Variants in ZSWIM6 observed in about 807,000 individuals in gnomAD.
ZSWIM6 encodes zinc finger SWIM domain-containing protein 6.
A neutral mutation model predicts 113.2 loss-of-function variants in ZSWIM6; 9 were observed. That is an observed-to-expected ratio of 0.08 (90% CI 0.05 to 0.14). The LOEUF (loss-of-function observed/expected upper bound fraction) is 0.14, where lower values mean the gene tolerates loss of function less well. Ranked by LOEUF, ZSWIM6 falls within the 10% of genes least tolerant of loss-of-function variation. ZSWIM6 has a pLI of 1.00. For missense variants in ZSWIM6, 1,162 were observed against 1,552.2 expected (o/e 0.75, Z 4.22); for synonymous variants, 611 against 606.5 (o/e 1.01, Z -0.11).
At position 61,505,724 on chromosome 5, in the gene ZSWIM6, CTTCCCT is replaced by C. The variant is rs1748599471; in HGVS notation, c.1333+11315_1333+11320del. ...CCTTCCTCCCTTCCTTCCTTCCTTC[CTTCCCT>C]CTCTCTCTCTCTCTCTCTCTTTCTT... On this transcript the variant is annotated intron_variant, in intron 4 of 13. Coordinates refer to ENST00000252744, the MANE Select transcript of ZSWIM6 (RefSeq NM_020928.2). Among the ~76,000 whole-genome samples, 20 of 133,376 alleles carry C rather than the reference CTTCCCT, an allele frequency of 1.5e-4. 1 individual carries two copies. The highest frequency in any genetic ancestry group is 3.8e-4 in the African/African-American group (13 of 34,122). 87.5% of individuals were successfully genotyped at this position (133,376 alleles called of 152,430 possible).
intron 1 of ZSWIM6, among the ~76,000 whole-genome samples, chr5:61,392,741 T>A (rs1333758222): frequency 6.6e-6 from 1 of 151,470 alleles, no homozygotes; most frequent in African/African-American, 2.4e-5. Context: ...GCCTCCTGAG[T>A]AGCCGGGATT....
At chr5:61,395,033 T>G (rs1745810128) in intron 1 of ZSWIM6, among the ~76,000 whole-genome samples, 1 of 152,122 alleles carries the variant, frequency 6.6e-6, no homozygotes, top group African/African-American at 2.4e-5. Context: ...GATGAACAAA[T>G]GAAAGCCCAT....
intron 4 of ZSWIM6, among the ~76,000 whole-genome samples, chr5:61,503,887 C>A (rs1748536191): frequency 6.6e-6 from 1 of 152,130 alleles, no homozygotes. Context: ...ATGTCATACC[C>A]ATCCTTTCTT....
intron 1 of ZSWIM6, among the ~76,000 whole-genome samples, chr5:61,448,003 G>A (rs1035872155): frequency 1.3e-5 from 2 of 152,184 alleles, no homozygotes; most frequent in African/African-American, 2.4e-5. Context: ...GAGGGGTCTG[G>A]TGTCTCATTA....
intron 1 of ZSWIM6, among the ~76,000 whole-genome samples, chr5:61,459,198 A>G (rs574538370): frequency 6.6e-6 from 1 of 152,352 alleles, no homozygotes; most frequent in South Asian, 2.1e-4. Flanking sequence ...GCAACATAAG[A>G]TAATCATTTT....
chr5:61,411,013 C>A (rs1228193421), intron 1 of ZSWIM6, among the ~76,000 whole-genome samples: 1 of 152,164 alleles, frequency 6.6e-6, no homozygotes, highest in Non-Finnish European at 1.5e-5. Flanking sequence ...GTTTGGCATG[C>A]TTGGAAAGGG....
intron 1 of ZSWIM6, among the ~76,000 whole-genome samples, chr5:61,420,916 A>ATT (rs34581606): frequency 3.5e-3 from 512 of 145,996 alleles, no homozygotes; most frequent in Non-Finnish European, 4.4e-3. Context: ...TATTCGTTCT[A>ATT]TTTTTTTTTT....
In ZSWIM6 at chr5:61,526,122, A is replaced by AT; in HGVS notation, c.1691-127dup. 4 of 1,424,000 alleles carry AT rather than the reference A, an allele frequency of 2.8e-6. No individual in the cohort carries two copies. The South Asian group carries it at 5.9e-5, about 21-fold the overall frequency. The allele number at this position is 1,424,000 out of a possible 1,614,324, so 88.2% of individuals were successfully genotyped here. ...AATAGGAGCTGAGATTTTCATTCAA[A>AT]TCCAAGTTCAGGAATGGTTTCTTGT... On this transcript the variant is annotated intron_variant, in intron 6 of 13. Transcript: ENST00000252744.
intron 2 of ZSWIM6, among the ~76,000 whole-genome samples, chr5:61,486,659 C>T (rs1748029082): frequency 2.0e-5 from 3 of 152,118 alleles, no homozygotes; most frequent in Admixed American, 2.0e-4. Context: ...GATGATATCT[C>T]ATTGTGGTTT....
chr5:61,439,985 A>C (rs1746791392), intron 1 of ZSWIM6, among the ~76,000 whole-genome samples: 1 of 152,156 alleles, frequency 6.6e-6, no homozygotes, highest in Admixed American at 6.6e-5. Context: ...TATGCTTGAA[A>C]TGCCAAATCA....
Position 61,505,728 on chromosome 5 carries a change from C to T in ZSWIM6, c.1333+11318C>T, listed in dbSNP as rs1018952233. 5.9e-4 allele frequency among the ~76,000 whole-genome samples: 73 copies of T among 123,910 alleles called. 2 individuals are homozygous for T. The highest frequency in any genetic ancestry group is 1.1e-3 in the South Asian group (4 of 3,604). 81.3% of individuals were successfully genotyped at this position (123,910 alleles called of 152,430 possible). On this transcript the variant is annotated intron_variant, in intron 4 of 13. Coordinates refer to ENST00000252744, the MANE Select transcript of ZSWIM6 (RefSeq NM_020928.2). Reference sequence around the variant, plus strand: ...CCTCCCTTCCTTCCTTCCTTCCTTCCCTCTCTCTCTCTCTCTCTCTCTTTC... The same window carrying T: ...CCTCCCTTCCTTCCTTCCTTCCTTCTCTCTCTCTCTCTCTCTCTCTCTTTC...
At chr5:61,401,512 T>G (rs1745938590) in intron 1 of ZSWIM6, among the ~76,000 whole-genome samples, 1 of 152,126 alleles carries the variant, frequency 6.6e-6, no homozygotes, top group South Asian at 2.1e-4. Flanking sequence ...TTATGAGGTT[T>G]CATAAAATAT....
chr5:61,401,121 TG>T lies in ZSWIM6; in HGVS notation c.676+68174del, dbSNP rs1458483026. ...ATTATTATGTTCTCGTTAGCTTTTG[TG>T]TTAGTGGTCTTTACTAATACTGCCA... On this transcript the variant is annotated intron_variant, in intron 1 of 13. Coordinates refer to ENST00000252744, the MANE Select transcript of ZSWIM6 (RefSeq NM_020928.2). Among the ~76,000 whole-genome samples, 19 of 152,310 alleles carry T rather than the reference TG, an allele frequency of 1.2e-4. No homozygotes were observed. The East Asian group carries it at 3.7e-3, about 29-fold the overall frequency.
chr5:61,332,791 T>TGCC lies in ZSWIM6; in HGVS notation c.549_551dup (p.Ala184dup), dbSNP rs1262946696. 4,974 of 766,092 alleles carry TGCC rather than the reference T, an allele frequency of 6.5e-3. 15 individuals are homozygous for TGCC. Among genetic ancestry groups the TGCC allele is most frequent in the Admixed American group, 0.013 (181 of 13,710 alleles). The allele number at this position is 766,092 out of a possible 1,614,324, so 47.5% of individuals were successfully genotyped here. On this transcript the variant is annotated inframe_insertion, in exon 1 of 14. Coordinates refer to ENST00000252744, the MANE Select transcript of ZSWIM6 (RefSeq NM_020928.2). ...CCGCAACCTCGGCCGCCGCCGCCGC[T>TGCC]GCCGCCGCCGCCGCCGCCGCCGCCG...
intron 1 of ZSWIM6, among the ~76,000 whole-genome samples, chr5:61,407,722 A>G (rs906276400): frequency 2.0e-5 from 3 of 152,230 alleles, no homozygotes; most frequent in Admixed American, 1.3e-4. Context: ...TCTAAAATAT[A>G]TAAAAAGATG....
chr5:61,364,040 T>TC (rs1233164649), intron 1 of ZSWIM6, among the ~76,000 whole-genome samples: 3 of 150,976 alleles, frequency 2.0e-5, no homozygotes, highest in African/African-American at 7.3e-5. Flanking sequence ...TTCCTTTTTT[T>TC]CTCTCCTTTC....
chr5:61,512,726 A>G (rs1022291021), intron 4 of ZSWIM6, among the ~76,000 whole-genome samples: 1 of 152,078 alleles, frequency 6.6e-6, no homozygotes, highest in Non-Finnish European at 1.5e-5. Flanking sequence ...CTAATGATTA[A>G]CAATATTGAG....
intron 5 of ZSWIM6, among the ~76,000 whole-genome samples, chr5:61,522,289 A>G (rs1163423758): frequency 6.6e-6 from 1 of 152,154 alleles, no homozygotes; most frequent in Non-Finnish European, 1.5e-5. Context: ...TTTATTAACT[A>G]ATTCATGACA....
chr5:61,533,278 T>G (rs1240397943), intron 9 of ZSWIM6, among the ~76,000 whole-genome samples: 1 of 152,220 alleles, frequency 6.6e-6, no homozygotes, highest in Non-Finnish European at 1.5e-5. Flanking sequence ...GCTAGAAGAT[T>G]GAGAACTCCA....
Sources: allele counts gnomAD v4.1 joint callset (sites outside exome capture counted in the v4.1 genomes callset), GRCh38; gene constraint gnomAD v4.1.1; transcripts MANE v1.5; gene names NCBI Gene and HGNC (gene_info 2026-07-23, HGNC 2026-07-21).